EHMT1: variants seen among roughly 807,000 people sequenced by gnomAD.
EHMT1 encodes the protein histone-lysine N-methyltransferase EHMT1.
In EHMT1, 15 loss-of-function variants were observed where a neutral mutation model predicts 147.2. The ratio of observed to expected loss-of-function variants is 0.10; its 90% CI spans 0.07 to 0.16. EHMT1 has a LOEUF of 0.16. Ranked by LOEUF, EHMT1 falls within the 10% of genes least tolerant of loss-of-function variation. The pLI is 1.00. For synonymous variants in EHMT1, 795 were observed against 709.6 expected (o/e 1.12, Z -1.91); for missense variants, 1,587 against 1,772.4 (o/e 0.90, Z 1.88).
At chr9:137,697,878 T>C (rs1194724003) in intron 1 of EHMT1, among the ~76,000 whole-genome samples, 2 of 152,216 alleles carry the variant, frequency 1.3e-5, no homozygotes, top group Admixed American at 1.3e-4. Context: ...AGTTTGACTT[T>C]TTGAGTAAAA....
At chr9:137,627,867 G>A (rs751730990) in intron 1 of EHMT1, among the ~76,000 whole-genome samples, 8 of 151,864 alleles carry the variant, frequency 5.3e-5, no homozygotes, top group East Asian at 1.9e-4. Context: ...GCACCACCAC[G>A]TGTGGCTACT....
intron 1 of EHMT1, among the ~76,000 whole-genome samples, chr9:137,635,722 A>G (rs1452999803): frequency 6.6e-6 from 1 of 150,516 alleles, no homozygotes; most frequent in Non-Finnish European, 1.5e-5. Flanking sequence ...CGGGAGGCTG[A>G]GGCAGGAGAA....
chr9:137,826,748 GCA>G (rs890124872), intron 25 of EHMT1, among the ~76,000 whole-genome samples: 4 of 152,194 alleles, frequency 2.6e-5, no homozygotes, highest in African/African-American at 9.6e-5. Flanking sequence ...GCAGCATTGT[GCA>G]CACAGGCCTG....
intron 1 of EHMT1, among the ~76,000 whole-genome samples, chr9:137,673,104 T>G (rs1480205457): frequency 6.6e-6 from 1 of 152,226 alleles, no homozygotes; most frequent in Non-Finnish European, 1.5e-5. Flanking sequence ...GATTCTGCTT[T>G]GAAGTGCTTA....
intron 1 of EHMT1, among the ~76,000 whole-genome samples, chr9:137,662,627 G>C (rs1939198420): frequency 6.6e-6 from 1 of 152,118 alleles, no homozygotes; most frequent in Non-Finnish European, 1.5e-5. Flanking sequence ...AGTCTCCTGA[G>C]TAGCTGGGAT....
At chr9:137,692,318 G>A in intron 1 of EHMT1, among the ~76,000 whole-genome samples, 1 of 143,546 alleles carries the variant, frequency 7.0e-6, no homozygotes, top group East Asian at 2.0e-4. Flanking sequence ...AGGCTGGAGT[G>A]CAGTGGTGTG....
At chr9:137,818,166 C>T (rs764325847) in intron 25 of EHMT1, 28 bp downstream of exon 25, 35 of 1,611,528 alleles carry the variant, frequency 2.2e-5, no homozygotes, top group Middle Eastern at 1.6e-4. Context: ...GTTGGGGCCA[C>T]GCAGAACTTG....
At chr9:137,645,967 T>C (rs909881333) in intron 1 of EHMT1, among the ~76,000 whole-genome samples, 1 of 147,806 alleles carries the variant, frequency 6.8e-6, no homozygotes, top group Non-Finnish European at 1.5e-5. Flanking sequence ...CTATTTTTAC[T>C]TTTTTTTTTG....
intron 1 of EHMT1, among the ~76,000 whole-genome samples, chr9:137,658,184 T>G (rs1028833976): frequency 2.6e-5 from 4 of 152,226 alleles, no homozygotes; most frequent in Non-Finnish European, 5.9e-5. Flanking sequence ...TTGGTCTCAC[T>G]TTGTCACCCA....
chr9:137,733,638 A>T (rs1357777388), intron 4 of EHMT1, among the ~76,000 whole-genome samples: 1 of 152,170 alleles, frequency 6.6e-6, no homozygotes, highest in Non-Finnish European at 1.5e-5. Flanking sequence ...AGCCAGGGTG[A>T]GCAAAGAGGA....
chr9:137,677,736 T>C (rs1332616615), intron 1 of EHMT1, among the ~76,000 whole-genome samples: 1 of 152,038 alleles, frequency 6.6e-6, no homozygotes, highest in African/African-American at 2.4e-5. Context: ...TGTTACTATA[T>C]AACACAACAC....
chr9:137,702,614 C>T (rs1295675369), intron 1 of EHMT1, among the ~76,000 whole-genome samples: 2 of 152,126 alleles, frequency 1.3e-5, no homozygotes, highest in Admixed American at 6.5e-5. Context: ...CGTTGAGTGC[C>T]TGCTGCTTTT....
chr9:137,706,471 T>A (rs1344110011), intron 1 of EHMT1, among the ~76,000 whole-genome samples: 1 of 152,268 alleles, frequency 6.6e-6, no homozygotes, highest in South Asian at 2.1e-4. Flanking sequence ...GTCACTGTTA[T>A]GAACAGGAGC....
chr9:137,648,491 CA>C (rs397720797), intron 1 of EHMT1, among the ~76,000 whole-genome samples: 1,285 of 93,744 alleles, frequency 0.014, 16 homozygotes, highest in African/African-American at 0.038. Flanking sequence ...TCCTTCTCTC[CA>C]AAAAAAAAAA....
At chr9:137,800,713 C>T in intron 17 of EHMT1, 167 bp from the exon 18 acceptor site, 1 of 643,890 alleles carries the variant, frequency 1.6e-6, no homozygotes, top group African/African-American at 1.8e-5. Flanking sequence ...GGGCTGTGCT[C>T]TGAGGAAGAA....
intron 1 of EHMT1, among the ~76,000 whole-genome samples, chr9:137,703,123 TGATGCCG>T (rs1328878117): frequency 7.2e-5 from 11 of 152,194 alleles, no homozygotes; most frequent in Non-Finnish European, 1.5e-4. Context: ...GGAGTGGCTG[TGATGCCG>T]GACACCATGT....
intron 18 of EHMT1, among the ~76,000 whole-genome samples, chr9:137,805,391 G>A (rs144825733): frequency 2.0e-3 from 307 of 152,248 alleles, no homozygotes; most frequent in Non-Finnish European, 3.6e-3. Flanking sequence ...TGAGCCAGTC[G>A]TCCACATGTC....
At chr9:137,729,970 G>A (rs943370473) in intron 4 of EHMT1, among the ~76,000 whole-genome samples, 3 of 152,138 alleles carry the variant, frequency 2.0e-5, no homozygotes, top group African/African-American at 7.2e-5. Flanking sequence ...CTAGAGCTTC[G>A]AGCACCTAGT....
chr9:137,744,658 T>C (rs554226097), intron 6 of EHMT1, among the ~76,000 whole-genome samples: 1 of 152,362 alleles, frequency 6.6e-6, no homozygotes, highest in East Asian at 1.9e-4. Context: ...AGGAATGATA[T>C]TGCTGACAGC....
Sources: gnomAD v4.1 joint callset for allele counts (sites outside exome capture counted in the v4.1 genomes callset) on GRCh38, gnomAD v4.1.1 for gene constraint, MANE v1.5 for transcripts, NCBI Gene and HGNC (gene_info 2026-07-23, HGNC 2026-07-21) for gene names.